SNX4: variants seen among roughly 807,000 people sequenced by gnomAD.
SNX4 encodes sorting nexin-4.
In SNX4, 49 loss-of-function variants were observed where a neutral mutation model predicts 70.8. The observed-to-expected ratio is 0.69, with a 90% CI of 0.55 to 0.88. The LOEUF is 0.88. SNX4 is among the 40% of genes least tolerant of loss of function. SNX4 has a pLI of 0.00. For synonymous variants in SNX4, 206 were observed against 183.8 expected (o/e 1.12, Z -0.98); for missense variants, 528 against 544.8 (o/e 0.97, Z 0.31).
At chr3:125,453,729 C>T in intron 12 of SNX4, 81 bp downstream of exon 12, 1 of 1,323,836 alleles carries the variant, frequency 7.6e-7, no homozygotes, top group Non-Finnish European at 1.0e-6. Context: ...GAATTGTTAC[C>T]AAAATAAATA....
Position 125,451,001 on chromosome 3 carries a change from C to T in SNX4, c.1305+304G>A, listed in dbSNP as rs187579027. On this transcript the variant is annotated intron_variant, in intron 13 of 13. Transcript: ENST00000251775. ...CCAGTAGAGGCTGGACATGGTGGCTCGCACCTGTAATTGCAGCACTTTGGG... is the reference window on the plus strand; with the variant it reads ...CCAGTAGAGGCTGGACATGGTGGCTTGCACCTGTAATTGCAGCACTTTGGG... Among the ~76,000 whole-genome samples the T allele has an allele frequency of 6.8e-3, 1,039 of 152,130 alleles. 13 individuals are homozygous for T. Among genetic ancestry groups the T allele is most frequent in the African/African-American group, 0.023 (964 of 41,478 alleles).
At position 125,492,107 on chromosome 3, in the gene SNX4, CAAAAAAAAAA is replaced by C. The variant is rs60558490; in HGVS notation, c.598-2654_598-2645del. ...TGGGTGACAGAGAAAGACTCCATCT[CAAAAAAAAAA>C]AAAAAAAAAAAAAAAAGAATATAAG... is the stretch of plus-strand genomic sequence containing the variant. On this transcript the variant is annotated intron_variant, in intron 5 of 13. Coordinates refer to ENST00000251775, the MANE Select transcript of SNX4 (RefSeq NM_003794.4). 3.2e-4 allele frequency among the ~76,000 whole-genome samples: 15 copies of C among 47,398 alleles called. No homozygotes were observed. In the Admixed American group the frequency reaches 3.7e-3, roughly 12 times the overall value. The allele number at this position is 47,398 out of a possible 152,430, so 31.1% of individuals were successfully genotyped here. A position where few individuals can be genotyped will look rare whatever the true frequency, so the allele number is the denominator to read the frequency against.
At chr3:125,508,277 G>T (rs1485572994) in intron 1 of SNX4, among the ~76,000 whole-genome samples, 1 of 152,146 alleles carries the variant, frequency 6.6e-6, no homozygotes, top group Non-Finnish European at 1.5e-5. Context: ...TCTTGAAAAT[G>T]AAGCATAAGG....
intron 1 of SNX4, among the ~76,000 whole-genome samples, chr3:125,516,559 G>A (rs1010695026): frequency 6.6e-6 from 1 of 152,138 alleles, no homozygotes; most frequent in Non-Finnish European, 1.5e-5. Flanking sequence ...AATAAGGCTG[G>A]GCCGGGCACA....
At chr3:125,481,526 A>G (rs2333222) in intron 6 of SNX4, among the ~76,000 whole-genome samples, 76,661 of 149,428 alleles carry the variant, frequency 0.51, 20,077 homozygotes, top group African/African-American at 0.64. Context: ...TTGGCTCACC[A>G]CAACCTCCGC....
intron 1 of SNX4, among the ~76,000 whole-genome samples, chr3:125,514,551 C>T (rs189544005): frequency 1.3e-5 from 2 of 152,220 alleles, no homozygotes; most frequent in Non-Finnish European, 2.9e-5. Flanking sequence ...GCCACCATGC[C>T]TGGCTAATTT....
intron 2 of SNX4, among the ~76,000 whole-genome samples, chr3:125,501,569 A>C (rs1048442583): frequency 1.4e-4 from 21 of 151,944 alleles, no homozygotes; most frequent in African/African-American, 5.1e-4. Context: ...GCAGTGAGTC[A>C]AGATCATGTC....
In SNX4 at chr3:125,451,573, TA is replaced by T. The variant is rs1157740791; in HGVS notation, c.1191-155del. Among the ~76,000 whole-genome samples, 11 of 152,296 alleles carry T rather than the reference TA, an allele frequency of 7.2e-5. No homozygotes were observed. In the South Asian group the frequency reaches 2.3e-3, roughly 32 times the overall value. ...ACAGTTTTTTTATTTTCCTAAAAAT[TA>T]TAGTTAGGGAAAAAGCAAACAGACA... On this transcript the variant is annotated intron_variant, in intron 12 of 13. Coordinates refer to ENST00000251775, the MANE Select transcript of SNX4 (RefSeq NM_003794.4).
intron 1 of SNX4, among the ~76,000 whole-genome samples, chr3:125,505,041 C>T (rs1314416899): frequency 6.6e-6 from 1 of 152,208 alleles, no homozygotes; most frequent in Admixed American, 6.5e-5. Context: ...GCGATCTCAG[C>T]TCACTGCAAC....
chr3:125,470,002 A>C (rs1176546449), intron 8 of SNX4, among the ~76,000 whole-genome samples: 2 of 152,212 alleles, frequency 1.3e-5, no homozygotes, highest in Non-Finnish European at 2.9e-5. Flanking sequence ...GGTGCAGAGT[A>C]AAGTTTTAAT....
At position 125,453,116 on chromosome 3, in the gene SNX4, T is replaced by C. The variant is rs369285338; in HGVS notation, c.1190+694A>G. 8.5e-5 allele frequency among the ~76,000 whole-genome samples: 13 copies of C among 152,358 alleles called. 1 individual carries two copies. The highest frequency in any genetic ancestry group is 7.2e-5 in the African/African-American group (3 of 41,580). On this transcript the variant is annotated intron_variant, in intron 12 of 13. Transcript: ENST00000251775. Reference sequence around the variant, plus strand: ...AGAACTGAATTTCTAGAAATACTTATGTAACAATTACATGCTAAGCCCTAT... The same window carrying C: ...AGAACTGAATTTCTAGAAATACTTACGTAACAATTACATGCTAAGCCCTAT...
chr3:125,513,587 TAAGTA>T (rs1311579557), intron 1 of SNX4, among the ~76,000 whole-genome samples: 1 of 152,194 alleles, frequency 6.6e-6, no homozygotes, highest in African/African-American at 2.4e-5. Flanking sequence ...TGAAAAAAAT[TAAGTA>T]AATATAAATC....
intron 1 of SNX4, among the ~76,000 whole-genome samples, chr3:125,518,470 A>G (rs1473582692): frequency 6.6e-6 from 1 of 151,886 alleles, no homozygotes; most frequent in Non-Finnish European, 1.5e-5. Flanking sequence ...TCAAAGAAAA[A>G]AAAAGCACAT....
chr3:125,485,837 T>C (rs1238350277), intron 6 of SNX4, among the ~76,000 whole-genome samples: 6 of 152,266 alleles, frequency 3.9e-5, no homozygotes, highest in Admixed American at 2.0e-4. Flanking sequence ...TGCCTCCCTA[T>C]CTGTAAGCAT....
At chr3:125,504,421 C>G (rs1935002723) in intron 2 of SNX4, among the ~76,000 whole-genome samples, 1 of 151,524 alleles carries the variant, frequency 6.6e-6, no homozygotes, top group South Asian at 2.1e-4. Context: ...GAGTTTGAGG[C>G]TGCAGTGAGC....
At chr3:125,494,969 A>C (rs949121975) in intron 5 of SNX4, among the ~76,000 whole-genome samples, 2 of 152,082 alleles carry the variant, frequency 1.3e-5, no homozygotes, top group Non-Finnish European at 2.9e-5. Context: ...CACTACTGTC[A>C]CAATGTGCCT....
chr3:125,488,818 G>A (rs982640193), intron 6 of SNX4, among the ~76,000 whole-genome samples: 2 of 152,184 alleles, frequency 1.3e-5, no homozygotes, highest in Non-Finnish European at 2.9e-5. Flanking sequence ...AAATTGCCAA[G>A]TAAAGGTCCA....
chr3:125,447,658 G>A lies in SNX4; in HGVS notation c.*121C>T. 3 of 634,522 alleles carry A rather than the reference G, an allele frequency of 4.7e-6. No individual in the cohort carries two copies. The highest frequency in any genetic ancestry group is 8.1e-6 in the Non-Finnish European group (3 of 370,482). The allele number at this position is 634,522 out of a possible 1,614,324, so 39.3% of individuals were successfully genotyped here. A position where few individuals can be genotyped will look rare whatever the true frequency, so the allele number is the denominator to read the frequency against. ...CACGACCACAATTAAGTTAAAGAAA[G>A]CTGAATTTATTTAACTTATTGTATA... On this transcript the variant is annotated 3_prime_UTR_variant, in exon 14 of 14. Coordinates refer to ENST00000251775, the MANE Select transcript of SNX4 (RefSeq NM_003794.4).
chr3:125,449,468 C>T (rs1933520963), intron 13 of SNX4, among the ~76,000 whole-genome samples: 1 of 151,778 alleles, frequency 6.6e-6, no homozygotes, highest in African/African-American at 2.4e-5. Context: ...ACTATGTTGC[C>T]CAGCCTAGTC....
Sources: allele counts gnomAD v4.1 joint callset (sites outside exome capture counted in the v4.1 genomes callset), GRCh38; gene constraint gnomAD v4.1.1; transcripts MANE v1.5; gene names NCBI Gene and HGNC (gene_info 2026-07-23, HGNC 2026-07-21).